The following NECAB1 variants were observed in gnomAD, a reference collection of about 807,000 sequenced individuals.
The protein encoded by NECAB1 is N-terminal EF-hand calcium-binding protein 1.
In NECAB1, 29 loss-of-function variants were observed where a neutral mutation model predicts 57.5. That is an observed-to-expected ratio of 0.50 (90% CI 0.38 to 0.69). NECAB1 has a LOEUF of 0.69. NECAB1 is among the 30% of genes least tolerant of loss of function. NECAB1 has a pLI of 0.00. For synonymous variants in NECAB1, 142 were observed against 147.7 expected, an observed-to-expected ratio of 0.96 and a Z score of 0.28; for missense variants, 372 against 413.8, an observed-to-expected ratio of 0.90 and a Z score of 0.88.
At chr8:90,928,528 T>C (rs1013369436) in intron 8 of NECAB1, among the ~76,000 whole-genome samples, 1 of 152,164 alleles carries the variant, frequency 6.6e-6, no homozygotes, top group African/African-American at 2.4e-5. Flanking sequence ...ATATTTAAAA[T>C]AGGATGTGGA....
chr8:90,848,435 A>G (rs1234516850), intron 3 of NECAB1, among the ~76,000 whole-genome samples: 1 of 152,146 alleles, frequency 6.6e-6, no homozygotes, highest in African/African-American at 2.4e-5. Flanking sequence ...TTCCAAAGTC[A>G]CTTCCACATT....
intron 12 of NECAB1, among the ~76,000 whole-genome samples, chr8:90,952,798 T>TAAAA (rs4041466): frequency 0.32 from 43,668 of 138,076 alleles, 7,208 homozygotes; most frequent in East Asian, 0.64. Context: ...AATAATAAAA[T>TAAAA]TAAAATAAAA....
intron 2 of NECAB1, among the ~76,000 whole-genome samples, chr8:90,813,417 T>A (rs1812002032): frequency 1.3e-5 from 2 of 152,058 alleles, no homozygotes; most frequent in African/African-American, 4.8e-5. Context: ...TTTCAATATC[T>A]AATATGAATA....
chr8:90,824,543 CTA>C lies in NECAB1; in HGVS notation c.125-172_125-171del, dbSNP rs536513680. 2.6e-5 allele frequency among the ~76,000 whole-genome samples: 4 copies of C among 151,914 alleles called. No individual in the cohort carries two copies. The South Asian group carries it at 8.3e-4, about 32-fold the overall frequency. Reference sequence around the variant, plus strand: ...TTATTAGAGTGTACACATCTGTGTTCTATGTTATATAAAGATATATTAAATTA... The same window carrying C: ...TTATTAGAGTGTACACATCTGTGTTCTGTTATATAAAGATATATTAAATTA... On this transcript the variant is annotated intron_variant, in intron 2 of 12. Transcript: ENST00000417640.
rs541699036 is a variant in NECAB1 at position 90,882,846 on chromosome 8, C to G, written c.357+1716C>G. 1.4e-3 allele frequency among the ~76,000 whole-genome samples: 211 copies of G among 151,952 alleles called. 2 individuals are homozygous for G. The highest frequency in any genetic ancestry group is 6.8e-3 in the Middle Eastern group (2 of 294). ...TTTGGCTTACCGTGTTTACTCTGAACCTAGCATAGGACCTGACAATTAAAA... is the reference window on the plus strand; with the variant it reads ...TTTGGCTTACCGTGTTTACTCTGAAGCTAGCATAGGACCTGACAATTAAAA... On this transcript the variant is annotated intron_variant, in intron 5 of 12. Transcript: ENST00000417640.
intron 10 of NECAB1, among the ~76,000 whole-genome samples, chr8:90,942,741 G>A (rs191059787): frequency 6.6e-6 from 1 of 152,264 alleles, no homozygotes; most frequent in African/African-American, 2.4e-5. Flanking sequence ...AATTAGCTGG[G>A]CATGGTAGCA....
In NECAB1 at chr8:90,959,081, T is replaced by A; in HGVS notation, c.*3569T>A. 1.2e-6 allele frequency: 1 copy of A among 864,874 alleles called. No homozygotes were observed. The highest frequency in any genetic ancestry group is 1.7e-6 in the Non-Finnish European group (1 of 573,700). 53.6% of individuals were successfully genotyped at this position (864,874 alleles called of 1,614,324 possible). On this transcript the variant is annotated 3_prime_UTR_variant, in exon 13 of 13. Coordinates refer to ENST00000417640, the MANE Select transcript of NECAB1 (RefSeq NM_022351.5). ...TTATCAATTGATTGAATACAGTTTTTACTAATTAGTTTATCAAACCAAATA... is the reference window on the plus strand; with the variant it reads ...TTATCAATTGATTGAATACAGTTTTAACTAATTAGTTTATCAAACCAAATA...
chr8:90,863,756 T>C (rs1182876668), intron 3 of NECAB1, among the ~76,000 whole-genome samples: 1 of 152,096 alleles, frequency 6.6e-6, no homozygotes, highest in African/African-American at 2.4e-5. Flanking sequence ...CTAAATTGGA[T>C]TTTCTAAATT....
chr8:90,888,461 T>C (rs770260583), intron 5 of NECAB1, among the ~76,000 whole-genome samples: 1 of 152,142 alleles, frequency 6.6e-6, no homozygotes, highest in Non-Finnish European at 1.5e-5. Context: ...GAGAATTAAA[T>C]TTGATATGAC....
At chr8:90,906,040 CTTTTT>C (rs879631041) in intron 5 of NECAB1, among the ~76,000 whole-genome samples, 1 of 152,084 alleles carries the variant, frequency 6.6e-6, no homozygotes, top group Non-Finnish European at 1.5e-5. Flanking sequence ...TTTTATGATA[CTTTTT>C]TTCTTTGTGT....
intron 10 of NECAB1, among the ~76,000 whole-genome samples, chr8:90,947,551 C>A (rs1302378362): frequency 2.0e-5 from 3 of 152,074 alleles, no homozygotes; most frequent in African/African-American, 7.2e-5. Flanking sequence ...CAGGCACATG[C>A]CACTGTGCCC....
chr8:90,869,387 G>A (rs76521785), intron 3 of NECAB1, among the ~76,000 whole-genome samples: 10,756 of 152,198 alleles, frequency 0.071, 1,196 homozygotes, highest in African/African-American at 0.24. Flanking sequence ...ATCCACTGAC[G>A]AGTTTCACTG....
chr8:90,870,057 C>G (rs1327910758), intron 3 of NECAB1, among the ~76,000 whole-genome samples: 1 of 152,080 alleles, frequency 6.6e-6, no homozygotes, highest in African/African-American at 2.4e-5. Flanking sequence ...AAGTGTGTAG[C>G]ACTTCCCTCT....
intron 10 of NECAB1, among the ~76,000 whole-genome samples, chr8:90,947,697 G>A (rs923999614): frequency 5.3e-5 from 8 of 152,176 alleles, no homozygotes; most frequent in South Asian, 2.1e-4. Flanking sequence ...CACTGTGCCC[G>A]GCCTTACATG....
chr8:90,920,373 T>C (rs1397661034), intron 6 of NECAB1, among the ~76,000 whole-genome samples: 1 of 152,166 alleles, frequency 6.6e-6, no homozygotes, highest in Non-Finnish European at 1.5e-5. Flanking sequence ...GGACTGTGTC[T>C]CCTCTCCCAA....
At chr8:90,892,662 G>C (rs562048316) in intron 5 of NECAB1, among the ~76,000 whole-genome samples, 1 of 151,928 alleles carries the variant, frequency 6.6e-6, no homozygotes, top group Non-Finnish European at 1.5e-5. Flanking sequence ...TTCTTCCCTC[G>C]CAACCCACTG....
intron 5 of NECAB1, among the ~76,000 whole-genome samples, chr8:90,911,194 G>A (rs1809821773): frequency 6.6e-6 from 1 of 152,072 alleles, no homozygotes; most frequent in South Asian, 2.1e-4. Flanking sequence ...AGTAAAACCA[G>A]ACTCATACAA....
intron 10 of NECAB1, among the ~76,000 whole-genome samples, chr8:90,947,327 C>T (rs959223892): frequency 4.7e-5 from 7 of 149,194 alleles, no homozygotes; most frequent in African/African-American, 1.7e-4. Context: ...CACACACACA[C>T]ACACACACAC....
intron 4 of NECAB1, among the ~76,000 whole-genome samples, chr8:90,878,122 G>A (rs1215916803): frequency 6.6e-6 from 1 of 151,488 alleles, no homozygotes; most frequent in Non-Finnish European, 1.5e-5. Flanking sequence ...CTGCAACCTT[G>A]GTATCCCTGG....
Sources: gnomAD v4.1 joint callset for allele counts (sites outside exome capture counted in the v4.1 genomes callset) on GRCh38, gnomAD v4.1.1 for gene constraint, MANE v1.5 for transcripts, NCBI Gene and HGNC (gene_info 2026-07-23, HGNC 2026-07-21) for gene names.